The following RAPGEF1 variants were observed in gnomAD, a reference collection of about 807,000 sequenced individuals.
RAPGEF1 encodes the protein Rap guanine nucleotide exchange factor 1.
Under a neutral mutation model 143.3 loss-of-function variants are expected in RAPGEF1, and 33 were observed. That is an observed-to-expected ratio of 0.23 (90% confidence interval 0.17 to 0.31). The LOEUF (loss-of-function observed/expected upper bound fraction) is 0.31, where lower values mean the gene tolerates loss of function less well. Among genes scored for constraint, RAPGEF1 ranks in the 10% least tolerant of loss-of-function variants. RAPGEF1 has a pLI of 1.00. For missense variants in RAPGEF1, 1,199 were observed against 1,645.4 expected, an observed-to-expected ratio of 0.73 and a Z score of 4.69; for synonymous variants, 629 against 676.5, an observed-to-expected ratio of 0.93 and a Z score of 1.09.
At position 131,668,939 on chromosome 9, in the gene RAPGEF1, T is replaced by C. The variant is rs964574452; in HGVS notation, c.62-17990A>G. 7.9e-5 allele frequency among the ~76,000 whole-genome samples: 12 copies of C among 152,360 alleles called. No individual in the cohort carries two copies. In the East Asian group the frequency reaches 9.6e-4, roughly 12 times the overall value. ...GCTCAGAGGAACCTGCCTGTTAGGA[T>C]GGCTGCCAGCCTAGGAGGGGCAGGT... is the stretch of plus-strand genomic sequence containing the variant. On this transcript the variant is annotated intron_variant, in intron 1 of 26. Transcript: ENST00000683357.
intron 12 of RAPGEF1, among the ~76,000 whole-genome samples, chr9:131,612,422 C>T (rs1341359110): frequency 7.0e-6 from 1 of 142,182 alleles, no homozygotes; most frequent in Non-Finnish European, 1.6e-5. Flanking sequence ...GGGTTGGAAA[C>T]AGCTGCATCA....
At chr9:131,698,718 C>A (rs1011976383) in intron 1 of RAPGEF1, among the ~76,000 whole-genome samples, 1 of 152,176 alleles carries the variant, frequency 6.6e-6, no homozygotes, top group Non-Finnish European at 1.5e-5. Flanking sequence ...CTCAGGGCTG[C>A]CCCCCTTCCC....
intron 1 of RAPGEF1, chr9:131,709,621 T>C (rs1417922011): frequency 2.5e-6 from 4 of 1,613,834 alleles, no homozygotes; most frequent in Non-Finnish European, 3.4e-6. Flanking sequence ...CTTTCTTACC[T>C]TGTTTCCAGG....
At position 131,582,622 on chromosome 9, in the gene RAPGEF1, C is replaced by T. The variant is rs923694616; in HGVS notation, c.3495G>A (p.Pro1165=). The change falls in exon 25 of 27, where the codon CCG becomes CCA. Residue 1165 remains proline, a synonymous_variant. Transcript: ENST00000683357. ...AYRAALSEVE[P]PCIPYLGLIL... is the part of the protein sequence containing the mutation. ...CTACTCACAGGTACGGGATGCACGG[C>T]GGTTCCACCTCCGAGAGGGCGGCCC... The T allele has an allele frequency of 7.2e-6, 11 of 1,530,184 alleles. No individual in the cohort carries two copies. The highest frequency in any genetic ancestry group is 4.8e-5 in the Admixed American group (2 of 41,352). The allele number at this position is 1,530,184 out of a possible 1,614,324, so 94.8% of individuals were successfully genotyped here.
At chr9:131,598,116 A>C (rs1248763047) in intron 16 of RAPGEF1, 83 bp downstream of exon 16, 8 of 1,229,380 alleles carry the variant, frequency 6.5e-6, no homozygotes, top group Non-Finnish European at 9.4e-6. Flanking sequence ...TGTTCTGCTT[A>C]TGACAAGATC....
intron 1 of RAPGEF1, among the ~76,000 whole-genome samples, chr9:131,739,217 C>T (rs1275181527): frequency 6.6e-6 from 1 of 152,214 alleles, no homozygotes. Context: ...CCCACCTGCC[C>T]TCCTTGCAGA....
chr9:131,706,657 T>A (rs1246578461), intron 1 of RAPGEF1, among the ~76,000 whole-genome samples: 1 of 151,908 alleles, frequency 6.6e-6, no homozygotes, highest in Non-Finnish European at 1.5e-5. Context: ...AAAAGACAAA[T>A]AAACTGTGAA....
intron 1 of RAPGEF1, among the ~76,000 whole-genome samples, chr9:131,660,396 T>C (rs1000254976): frequency 6.6e-6 from 1 of 151,998 alleles, no homozygotes; most frequent in African/African-American, 2.4e-5. Context: ...ACGTAGACGG[T>C]AAACATTTCT....
chr9:131,704,732 G>T (rs1006813706), intron 1 of RAPGEF1, among the ~76,000 whole-genome samples: 2 of 151,760 alleles, frequency 1.3e-5, no homozygotes, highest in African/African-American at 4.8e-5. Flanking sequence ...AAATCATTTC[G>T]AAAGAGAGGG....
At chr9:131,639,766 C>T (rs1446865473) in intron 4 of RAPGEF1, among the ~76,000 whole-genome samples, 3 of 151,786 alleles carry the variant, frequency 2.0e-5, no homozygotes, top group Non-Finnish European at 2.9e-5. Flanking sequence ...ATTTAGGAGC[C>T]AAAGATATAA....
At chr9:131,627,277 CT>C (rs1223579562) in intron 9 of RAPGEF1, among the ~76,000 whole-genome samples, 1 of 143,652 alleles carries the variant, frequency 7.0e-6, no homozygotes, top group Non-Finnish European at 1.5e-5. Flanking sequence ...TGGTCCTGTA[CT>C]TTTTCTAGTT....
At chr9:131,615,077 G>A (rs1304681066) in intron 12 of RAPGEF1, among the ~76,000 whole-genome samples, 1 of 152,164 alleles carries the variant, frequency 6.6e-6, no homozygotes, top group Non-Finnish European at 1.5e-5. Flanking sequence ...GGAGGAAGGT[G>A]TTTTTTCTTT....
chr9:131,638,547 G>T, intron 5 of RAPGEF1, 88 bp downstream of exon 5: 1 of 1,444,304 alleles, frequency 6.9e-7, no homozygotes, highest in Non-Finnish European at 9.6e-7. Flanking sequence ...AATGTTTGAA[G>T]GTCAGGAGCA....
chr9:131,678,636 G>A (rs956294056), intron 1 of RAPGEF1, among the ~76,000 whole-genome samples: 3 of 152,166 alleles, frequency 2.0e-5, no homozygotes, highest in East Asian at 1.9e-4. Flanking sequence ...TCAACACTGA[G>A]CTCTGAGGCC....
At chr9:131,730,193 C>CAAAAAAAA (rs57402366) in intron 1 of RAPGEF1, among the ~76,000 whole-genome samples, 3 of 67,000 alleles carry the variant, frequency 4.5e-5, no homozygotes, top group African/African-American at 6.4e-5. Flanking sequence ...GACTCCCTCT[C>CAAAAAAAA]AAAAAAAAAA....
At chr9:131,582,849 C>T (rs1952083029) in intron 24 of RAPGEF1, 147 bp from the exon 25 acceptor site, 1 of 629,514 alleles carries the variant, frequency 1.6e-6, no homozygotes, top group South Asian at 2.1e-5. Context: ...AACACCCAGC[C>T]AGGTGTGGGT....
chr9:131,598,981 C>T (rs1436940766), intron 15 of RAPGEF1, among the ~76,000 whole-genome samples: 4 of 151,930 alleles, frequency 2.6e-5, no homozygotes, highest in Admixed American at 6.6e-5. Flanking sequence ...CATGCCACTA[C>T]GTCCTGCTAA....
chr9:131,587,347 A>G (rs1953318096), intron 22 of RAPGEF1, among the ~76,000 whole-genome samples: 1 of 152,224 alleles, frequency 6.6e-6, no homozygotes, highest in African/African-American at 2.4e-5. Flanking sequence ...ACTAAATGCA[A>G]ACATTAACGT....
intron 18 of RAPGEF1, among the ~76,000 whole-genome samples, chr9:131,591,088 A>AGT (rs1954160652): frequency 6.6e-6 from 1 of 152,262 alleles, no homozygotes; most frequent in Admixed American, 6.5e-5. Context: ...CGTGTGAGTG[A>AGT]CAGCCATTCA....
Sources: allele counts gnomAD v4.1 joint callset (sites outside exome capture counted in the v4.1 genomes callset), GRCh38; gene constraint gnomAD v4.1.1; transcripts MANE v1.5; gene names NCBI Gene and HGNC (gene_info 2026-07-23, HGNC 2026-07-21).